The following SLC30A10 variants were observed in gnomAD, a reference collection of about 807,000 sequenced individuals.
SLC30A10 encodes solute carrier family 30 member 10.
In SLC30A10, 8 loss-of-function variants were observed where a neutral mutation model predicts 21.7. The observed-to-expected ratio is 0.37, with a 90% CI of 0.22 to 0.67. The LOEUF is 0.67. Among genes scored for constraint, SLC30A10 ranks in the 30% least tolerant of loss-of-function variants. The pLI is 0.58. For missense variants in SLC30A10, 521 were observed against 642.5 expected (o/e 0.81, Z 2.04); for synonymous variants, 272 against 279.4 (o/e 0.97, Z 0.26).
At chr1:219,954,889 C>A (rs1660325731) in intron 1 of SLC30A10, among the ~76,000 whole-genome samples, 1 of 151,912 alleles carries the variant, frequency 6.6e-6, no homozygotes, top group African/African-American at 2.4e-5. Flanking sequence ...ACAAGGTCAC[C>A]TTTAGGTTAA....
At chr1:219,940,564 C>T (rs77631535) in intron 1 of SLC30A10, among the ~76,000 whole-genome samples, 2,611 of 152,100 alleles carry the variant, frequency 0.017, 79 homozygotes, top group African/African-American at 0.057. Flanking sequence ...ATTGGGAAGC[C>T]GTACAAAGGG....
At chr1:219,935,108 C>G (rs767437052) in intron 1 of SLC30A10, among the ~76,000 whole-genome samples, 24 of 152,088 alleles carry the variant, frequency 1.6e-4, no homozygotes, top group Non-Finnish European at 2.9e-4. Context: ...GGGGAAAAAT[C>G]AGCTTTTAGA....
chr1:219,945,575 G>A (rs1027396343), intron 1 of SLC30A10, among the ~76,000 whole-genome samples: 1 of 152,138 alleles, frequency 6.6e-6, no homozygotes, highest in East Asian at 1.9e-4. Flanking sequence ...TGTGAAAAAA[G>A]AAGTTACAAA....
chr1:219,953,605 A>G lies in SLC30A10; in HGVS notation n.80+4963T>C, dbSNP rs557479005. On this transcript the variant is annotated intron_variant and non_coding_transcript_variant, in intron 1 of 8. Transcript: ENST00000484239. ...GTGACAGAGTGAGACTCCGTCTCAAAAAAAAAAGAAAAAGAAAAGAAAGAA... is the reference window on the plus strand; with the variant it reads ...GTGACAGAGTGAGACTCCGTCTCAAGAAAAAAAGAAAAAGAAAAGAAAGAA... 2.2e-4 allele frequency among the ~76,000 whole-genome samples: 33 copies of G among 151,946 alleles called. No homozygotes were observed. In the East Asian group the frequency reaches 6.0e-3, roughly 28 times the overall value.
intron 2 of SLC30A10, among the ~76,000 whole-genome samples, chr1:219,926,506 T>C (rs1659829354): frequency 6.6e-6 from 1 of 152,152 alleles, no homozygotes; most frequent in Non-Finnish European, 1.5e-5. Flanking sequence ...AGAGGCTAGC[T>C]AGGTGCTTGC....
intron 2 of SLC30A10, among the ~76,000 whole-genome samples, chr1:219,921,858 G>A (rs1379804939): frequency 6.6e-6 from 1 of 150,428 alleles, no homozygotes; most frequent in East Asian, 2.0e-4. Context: ...GCAAAATTCT[G>A]TGGGGTGTCT....
In SLC30A10 at chr1:219,911,395, G is replaced by C. The variant is rs950764380; in HGVS notation, c.*4054C>G. Reference sequence around the variant, plus strand: ...AATTAACATCATCAAGTTTAAAATCGATCATTTTAAATATGAAGGAGATTT... The same window carrying C: ...AATTAACATCATCAAGTTTAAAATCCATCATTTTAAATATGAAGGAGATTT... On this transcript the variant is annotated 3_prime_UTR_variant, in exon 4 of 4. Coordinates refer to ENST00000366926, the MANE Select transcript of SLC30A10 (RefSeq NM_018713.3). Among the ~76,000 whole-genome samples, 3 of 151,538 alleles carry C rather than the reference G, an allele frequency of 2.0e-5. No individual in the cohort carries two copies. Among genetic ancestry groups the C allele is most frequent in the Non-Finnish European group, 4.4e-5 (3 of 67,898 alleles).
intron 2 of SLC30A10, among the ~76,000 whole-genome samples, chr1:219,922,232 G>T (rs151082618): frequency 5.6e-5 from 3 of 53,908 alleles, no homozygotes; most frequent in Non-Finnish European, 1.0e-4. Flanking sequence ...TTTTTTTTTT[G>T]CAGAGACAGG....
Position 219,928,361 on chromosome 1 carries a change from A to G in SLC30A10, c.80T>C (p.Val27Ala). The G allele has an allele frequency of 6.2e-7, 1 of 1,613,392 alleles. No individual in the cohort carries two copies. Among genetic ancestry groups the G allele is most frequent in the Non-Finnish European group, 8.5e-7 (1 of 1,179,726 alleles). The change falls in exon 1 of 4, where the codon GTC becomes GCC. Residue 27 changes from valine (V) to alanine (A), a missense_variant. Val to Ala is a moderately conservative substitution (Grantham distance 64, BLOSUM62 0). Coordinates refer to ENST00000366926, the MANE Select transcript of SLC30A10 (RefSeq NM_018713.3). The surrounding 1 kb of genome is among the most constrained non-coding windows in gnomAD (Gnocchi z 6.3). ...LTVAFFVAEL[V>A]SGYLGNSIAL... Reference sequence around the variant, plus strand: ...GATGGAGTTGCCCAGGTAGCCGGAGACCAGCTCCGCCACGAAGAAGGCGAC... The same window carrying G: ...GATGGAGTTGCCCAGGTAGCCGGAGGCCAGCTCCGCCACGAAGAAGGCGAC...
At chr1:219,950,038 T>C (rs1164141528) in intron 1 of SLC30A10, among the ~76,000 whole-genome samples, 1 of 152,186 alleles carries the variant, frequency 6.6e-6, no homozygotes, top group East Asian at 1.9e-4. Context: ...TAGACAGGAC[T>C]GCAGGAAAAT....
chr1:219,912,170 C>CAAAAAAAAAAAAAAAAAAAAA lies in SLC30A10; in HGVS notation c.*3258_*3278dup, dbSNP rs59792236. 1.3e-5 allele frequency among the ~76,000 whole-genome samples: 1 copy of CAAAAAAAAAAAAAAAAAAAAA among 74,698 alleles called. No individual in the cohort carries two copies. The allele number at this position is 74,698 out of a possible 152,430, so 49.0% of individuals were successfully genotyped here. Reference sequence around the variant, plus strand: ...CCACTGGAATTTGCTCTACCAATGGCAAAAAAAAAAAAAAAAAAAAAAAAA... The same window carrying CAAAAAAAAAAAAAAAAAAAAA: ...CCACTGGAATTTGCTCTACCAATGGCAAAAAAAAAAAAAAAAAAAAAAAAAAAAAAAAAAAAAAAAAAAAAA... On this transcript the variant is annotated 3_prime_UTR_variant, in exon 4 of 4. Coordinates refer to ENST00000366926, the MANE Select transcript of SLC30A10 (RefSeq NM_018713.3).
chr1:219,931,579 C>T (rs1659970668), upstream of SLC30A10, among the ~76,000 whole-genome samples: 1 of 152,124 alleles, frequency 6.6e-6, no homozygotes, highest in African/African-American at 2.4e-5. Flanking sequence ...CCTCTGGGTT[C>T]AACTGATTCT....
At chr1:219,957,817 A>T (rs546444871) in intron 1 of SLC30A10, among the ~76,000 whole-genome samples, 586 of 43,610 alleles carry the variant, frequency 0.013, no homozygotes, top group African/African-American at 0.039. Context: ...ATTCCATCTT[A>T]AAAAAAAAGC....
chr1:219,927,684 AAAAAAAACAG>A, intron 1 of SLC30A10, 107 bp downstream of exon 1: 4 of 843,630 alleles, frequency 4.7e-6, no homozygotes, highest in Non-Finnish European at 6.3e-6. Flanking sequence ...ACAACAAAAA[AAAAAAAACAG>A]AAAAAAAGCA....
At chr1:219,952,486 C>T (rs930409932) in intron 1 of SLC30A10, among the ~76,000 whole-genome samples, 3 of 152,030 alleles carry the variant, frequency 2.0e-5, no homozygotes, top group African/African-American at 7.3e-5. Flanking sequence ...CTGAGGGGAG[C>T]CAAGTAGAGT....
At position 219,951,368 on chromosome 1, in the gene SLC30A10, A is replaced by T. The variant is rs775234866; in HGVS notation, n.80+7200T>A. 4.6e-5 allele frequency among the ~76,000 whole-genome samples: 7 copies of T among 152,224 alleles called. No homozygotes were observed. The South Asian group carries it at 1.0e-3, about 23-fold the overall frequency. ...AGTGGATGAGGGAGGACGTTCCAGA[A>T]CATGTATTTTTCTTTTTTTAAGTTA... On this transcript the variant is annotated intron_variant and non_coding_transcript_variant, in intron 1 of 8. Transcript: ENST00000484239.
At chr1:219,946,855 A>G (rs2102544990) in intron 1 of SLC30A10, among the ~76,000 whole-genome samples, 1 of 152,258 alleles carries the variant, frequency 6.6e-6, no homozygotes, top group Non-Finnish European at 1.5e-5. Flanking sequence ...TACTATTTTC[A>G]TTGCTATTGG....
At chr1:219,930,406 G>A (rs1425629863), upstream of SLC30A10, among the ~76,000 whole-genome samples, 1 of 152,140 alleles carries the variant, frequency 6.6e-6, no homozygotes, top group Non-Finnish European at 1.5e-5. Context: ...CCAAGAAGTC[G>A]AGACTGCAGT....
At chr1:219,920,663 A>G (rs1379925512) in intron 2 of SLC30A10, among the ~76,000 whole-genome samples, 1 of 152,206 alleles carries the variant, frequency 6.6e-6, no homozygotes, top group Non-Finnish European at 1.5e-5. Flanking sequence ...CCAGGTATTG[A>G]TTTAAGCGTA....
Sources: gnomAD v4.1 joint callset for allele counts (sites outside exome capture counted in the v4.1 genomes callset) on GRCh38, gnomAD v4.1.1 for gene constraint, Gnocchi (gnomAD v3.1) non-coding constraint, MANE v1.5 for transcripts, NCBI Gene and HGNC (gene_info 2026-07-23, HGNC 2026-07-21) for gene names.